The following GRM8 variants were observed in gnomAD, a reference collection of about 807,000 sequenced individuals.
The protein encoded by GRM8 is metabotropic glutamate receptor 8.
GRM8 carries 47 observed loss-of-function variants against 87.2 expected under a neutral mutation model. The ratio of observed to expected loss-of-function variants is 0.54; its 90% confidence interval spans 0.43 to 0.69. The LOEUF (loss-of-function observed/expected upper bound fraction) is 0.69. Ranked by LOEUF, GRM8 falls within the 30% of genes least tolerant of loss-of-function variation. The pLI is 0.00. For synonymous variants in GRM8, 396 were observed against 404.5 expected (o/e 0.98, Z 0.25); for missense variants, 1,019 against 1,139.2 (o/e 0.89, Z 1.52).
intron 7 of GRM8, among the ~76,000 whole-genome samples, chr7:126,629,877 G>A (rs920506894): frequency 6.6e-6 from 1 of 152,070 alleles, no homozygotes; most frequent in Non-Finnish European, 1.5e-5. Flanking sequence ...CAATTAAAAA[G>A]CAAAACATAG....
chr7:127,175,404 C>T (rs1480578513), intron 2 of GRM8, among the ~76,000 whole-genome samples: 6 of 152,016 alleles, frequency 3.9e-5, no homozygotes, highest in Non-Finnish European at 7.4e-5. Flanking sequence ...GTGTAACATA[C>T]ATAATTTGAA....
intron 6 of GRM8, among the ~76,000 whole-genome samples, chr7:126,896,300 C>T (rs554581183): frequency 5.3e-5 from 8 of 151,646 alleles, no homozygotes; most frequent in Non-Finnish European, 8.8e-5. Context: ...ATTTTACTTG[C>T]GAAGAACAAG....
At chr7:126,892,372 T>G (rs1400846974) in intron 6 of GRM8, among the ~76,000 whole-genome samples, 2 of 152,026 alleles carry the variant, frequency 1.3e-5, no homozygotes, top group African/African-American at 4.8e-5. Flanking sequence ...CACCTATGAG[T>G]GAGAACACGC....
intron 7 of GRM8, among the ~76,000 whole-genome samples, chr7:126,748,002 A>G (rs112488992): frequency 0.018 from 2,718 of 152,106 alleles, 31 homozygotes; most frequent in Non-Finnish European, 0.03. Flanking sequence ...TTCTACAACT[A>G]GCTTATATCA....
At chr7:126,510,875 A>C (rs1049537363) in intron 9 of GRM8, among the ~76,000 whole-genome samples, 1 of 152,060 alleles carries the variant, frequency 6.6e-6, no homozygotes, top group African/African-American at 2.4e-5. Context: ...CCAAAATTAG[A>C]AGTAAGTCTT....
intron 8 of GRM8, among the ~76,000 whole-genome samples, chr7:126,544,669 C>G (rs1816938249): frequency 6.6e-6 from 1 of 151,952 alleles, no homozygotes; most frequent in Non-Finnish European, 1.5e-5. Context: ...GCCACCACGC[C>G]CTGCTAATTT....
Position 126,452,410 on chromosome 7 carries a change from G to A in GRM8, c.2431-6038C>T, listed in dbSNP as rs577036374. ...TAACTAACCTGCATGTTGTGCACAC[G>A]TACCGTAAAACTTAAAGTATAATAA... On this transcript the variant is annotated intron_variant, in intron 9 of 10. Transcript: ENST00000339582. 4.1e-5 allele frequency among the ~76,000 whole-genome samples: 6 copies of A among 145,508 alleles called. No homozygotes were observed. In the East Asian group the frequency reaches 8.1e-4, roughly 20 times the overall value.
chr7:127,103,607 T>A (rs1825538962), intron 3 of GRM8, among the ~76,000 whole-genome samples: 1 of 152,246 alleles, frequency 6.6e-6, no homozygotes, highest in South Asian at 2.1e-4. Flanking sequence ...ACCTCCATTG[T>A]CTAGAAAACT....
intron 8 of GRM8, among the ~76,000 whole-genome samples, chr7:126,601,144 A>G (rs868636290): frequency 2.7e-4 from 38 of 139,860 alleles, no homozygotes; most frequent in Middle Eastern, 7.9e-3. Context: ...ATGTGATCTC[A>G]TTGTTCAATT....
chr7:126,849,664 T>A (rs1292714212), intron 6 of GRM8, among the ~76,000 whole-genome samples: 1 of 152,190 alleles, frequency 6.6e-6, no homozygotes. Flanking sequence ...TTTCCTCTCC[T>A]ATCCTCACTG....
At chr7:127,191,687 A>G (rs1451525413) in intron 2 of GRM8, among the ~76,000 whole-genome samples, 1 of 152,220 alleles carries the variant, frequency 6.6e-6, no homozygotes. Context: ...TTGCTTGTGT[A>G]CTACCAGCCT....
chr7:126,725,436 T>A (rs1303673082), intron 7 of GRM8, among the ~76,000 whole-genome samples: 1 of 152,100 alleles, frequency 6.6e-6, no homozygotes, highest in Non-Finnish European at 1.5e-5. Flanking sequence ...TGTTGACTAA[T>A]AGTAAGGCTA....
intron 6 of GRM8, among the ~76,000 whole-genome samples, chr7:126,893,213 T>C (rs2518944): frequency 0.78 from 117,821 of 151,756 alleles, 46,162 homozygotes; most frequent in East Asian, 0.97. Flanking sequence ...AATGAAGTAA[T>C]CAAATATTCC....
At chr7:126,482,121 T>G (rs986883767) in intron 9 of GRM8, among the ~76,000 whole-genome samples, 2 of 151,990 alleles carry the variant, frequency 1.3e-5, no homozygotes, top group Non-Finnish European at 2.9e-5. Flanking sequence ...TGATACCCAT[T>G]AGGATGGCTA....
chr7:126,919,790 C>A (rs1000764022), intron 3 of GRM8, among the ~76,000 whole-genome samples: 1 of 152,116 alleles, frequency 6.6e-6, no homozygotes, highest in African/African-American at 2.4e-5. Flanking sequence ...CTCTGTCTTT[C>A]CCATTTTAAA....
At chr7:126,556,337 TA>T (rs3038820) in intron 8 of GRM8, among the ~76,000 whole-genome samples, 42,243 of 110,966 alleles carry the variant, frequency 0.38, 7,568 homozygotes, top group East Asian at 0.49. Context: ...TTCTCCTCTT[TA>T]AAAAAAAAAA....
intron 2 of GRM8, among the ~76,000 whole-genome samples, chr7:127,115,511 G>A (rs1826647487): frequency 6.6e-6 from 1 of 152,264 alleles, no homozygotes; most frequent in Non-Finnish European, 1.5e-5. Flanking sequence ...TCATGTTTTA[G>A]AAAGAAATGT....
At chr7:126,963,466 C>T (rs1809521191) in intron 3 of GRM8, among the ~76,000 whole-genome samples, 1 of 152,158 alleles carries the variant, frequency 6.6e-6, no homozygotes, top group Admixed American at 6.5e-5. Context: ...TGATAAGCAG[C>T]TTCAGCAGTC....
chr7:126,694,154 T>A (rs1809124116), intron 7 of GRM8, among the ~76,000 whole-genome samples: 1 of 145,856 alleles, frequency 6.9e-6, no homozygotes, highest in South Asian at 2.2e-4. Flanking sequence ...AATAGTTAGG[T>A]CTATTTATAT....
Sources: allele counts gnomAD v4.1 joint callset (sites outside exome capture counted in the v4.1 genomes callset), GRCh38; gene constraint gnomAD v4.1.1; transcripts MANE v1.5; gene names NCBI Gene and HGNC (gene_info 2026-07-23, HGNC 2026-07-21).